Variants in ADGRA3 observed in about 807,000 individuals in gnomAD.
The protein encoded by ADGRA3 is adhesion G protein-coupled receptor A3, also known as G-protein coupled receptor 125.
ADGRA3 carries 56 observed loss-of-function variants against 119.8 expected under a neutral mutation model. The observed-to-expected ratio is 0.47, with a 90% CI of 0.38 to 0.58. The LOEUF is 0.58. Among genes scored for constraint, ADGRA3 ranks in the 20% least tolerant of loss-of-function variants. The pLI, the probability that ADGRA3 is intolerant of heterozygous loss-of-function variation, is 0.00. For missense variants in ADGRA3, 1,516 were observed against 1,649.0 expected (o/e 0.92, Z 1.40); for synonymous variants, 607 against 623.8 (o/e 0.97, Z 0.40).
chr4:22,409,922 A>G (rs1425631901), intron 14 of ADGRA3, among the ~76,000 whole-genome samples: 1 of 152,230 alleles, frequency 6.6e-6, no homozygotes, highest in African/African-American at 2.4e-5. Flanking sequence ...CTTTCACTGT[A>G]TGTTAATGTG....
intron 1 of ADGRA3, among the ~76,000 whole-genome samples, chr4:22,509,935 G>T (rs1482719714): frequency 6.6e-6 from 1 of 150,958 alleles, no homozygotes; most frequent in Non-Finnish European, 1.5e-5. Context: ...GCGTGAACCC[G>T]GGAGGCGGAG....
chr4:22,418,489 A>G (rs1158452687), intron 12 of ADGRA3, among the ~76,000 whole-genome samples: 1 of 152,162 alleles, frequency 6.6e-6, no homozygotes, highest in African/African-American at 2.4e-5. Context: ...TAGGGATTCG[A>G]GTAGGAGAAT....
At chr4:22,416,233 C>T (rs1715426265) in intron 12 of ADGRA3, among the ~76,000 whole-genome samples, 1 of 152,122 alleles carries the variant, frequency 6.6e-6, no homozygotes, top group South Asian at 2.1e-4. Flanking sequence ...TTTGTAAGTT[C>T]ATTTAACCAT....
At position 22,445,051 on chromosome 4, in the gene ADGRA3, G is replaced by A. The variant is rs575529822; in HGVS notation, c.628C>T (p.Arg210Trp). ...RWVKEKNITVRDTRCVYPKSL... is the reference protein window; with the variant it reads ...RWVKEKNITVWDTRCVYPKSL... ...TTAGGATAAACACACCTGGTATCCC[G>A]TACCGTGATGTTCTTCTCCTTTACC... Residue 210 changes from arginine to tryptophan, a missense_variant, in exon 6 of 19, where the codon CGG (arginine) becomes TGG (tryptophan). By Grantham distance (101) the Arg-to-Trp change is moderately radical. Around this residue, in one of 2 missense-constraint regions of ADGRA3, gnomAD observed 428 missense variants for 541.9 expected, o/e 0.79. Coordinates refer to ENST00000334304, the MANE Select transcript of ADGRA3 (RefSeq NM_145290.4). 6 of 1,613,852 alleles carry A rather than the reference G, an allele frequency of 3.7e-6. No homozygotes were observed. The highest frequency in any genetic ancestry group is 1.1e-5 in the South Asian group (1 of 91,072).
rs552145952 is a variant in ADGRA3, at chr4:22,415,263, T to A, written c.1810-1449A>T. On this transcript the variant is annotated intron_variant, in intron 12 of 18. Coordinates refer to ENST00000334304, the MANE Select transcript of ADGRA3 (RefSeq NM_145290.4). The stretch of plus-strand genomic sequence containing the variant: ...TATGGCATGTTTATTTTAAAAACAA[T>A]TCTACTTAAGCAAATGATTGACTTT... 9.2e-4 allele frequency among the ~76,000 whole-genome samples: 140 copies of A among 152,306 alleles called. 1 individual carries two copies. The highest frequency in any genetic ancestry group is 3.3e-3 in the African/African-American group (138 of 41,570).
intron 16 of ADGRA3, among the ~76,000 whole-genome samples, chr4:22,399,558 T>C (rs1447233310): frequency 6.6e-6 from 1 of 151,948 alleles, no homozygotes; most frequent in Non-Finnish European, 1.5e-5. Context: ...AAATGGATTT[T>C]CTCCAGCTCC....
intron 1 of ADGRA3, among the ~76,000 whole-genome samples, chr4:22,508,457 T>C (rs74522406): frequency 3.4e-3 from 516 of 152,322 alleles, no homozygotes; most frequent in African/African-American, 0.011. Flanking sequence ...CACTGGCCAC[T>C]GTGTTTACAA....
intron 1 of ADGRA3, among the ~76,000 whole-genome samples, chr4:22,476,311 C>A (rs1323602916): frequency 6.6e-6 from 1 of 152,148 alleles, no homozygotes; most frequent in Non-Finnish European, 1.5e-5. Flanking sequence ...TGAGCCGGCA[C>A]TCACCAAACT....
intron 2 of ADGRA3, among the ~76,000 whole-genome samples, chr4:22,469,836 G>A (rs903834148): frequency 1.3e-5 from 2 of 152,146 alleles, no homozygotes; most frequent in Non-Finnish European, 2.9e-5. Context: ...GCAAGGTTCT[G>A]TCTTCAAAGT....
At chr4:22,402,201 G>T (rs746274400) in intron 15 of ADGRA3, among the ~76,000 whole-genome samples, 1 of 151,932 alleles carries the variant, frequency 6.6e-6, no homozygotes, top group South Asian at 2.1e-4. Flanking sequence ...CTTTGCCTCC[G>T]ATTAACAAAC....
intron 14 of ADGRA3, among the ~76,000 whole-genome samples, chr4:22,403,294 T>TGGA (rs1197745464): frequency 1.3e-5 from 2 of 152,030 alleles, no homozygotes; most frequent in Non-Finnish European, 1.5e-5. Flanking sequence ...CATAGGGCAT[T>TGGA]GGAGACATAA....
At chr4:22,404,459 T>C (rs1238355012) in intron 14 of ADGRA3, among the ~76,000 whole-genome samples, 1 of 152,066 alleles carries the variant, frequency 6.6e-6, no homozygotes, top group Non-Finnish European at 1.5e-5. Context: ...CCACAGTAAG[T>C]GGGAAGCAGA....
At chr4:22,494,679 T>C (rs964925757) in intron 1 of ADGRA3, among the ~76,000 whole-genome samples, 1 of 151,988 alleles carries the variant, frequency 6.6e-6, no homozygotes, top group Non-Finnish European at 1.5e-5. Context: ...TACATTTTTT[T>C]AGTTCTTTTT....
intron 1 of ADGRA3, among the ~76,000 whole-genome samples, chr4:22,494,405 G>A (rs1283527891): frequency 6.6e-6 from 1 of 151,764 alleles, no homozygotes; most frequent in Non-Finnish European, 1.5e-5. Context: ...CAGCCCTTGG[G>A]GCTGCTCTGT....
chr4:22,396,966 C>T (rs1237333956), intron 16 of ADGRA3, among the ~76,000 whole-genome samples: 3 of 152,084 alleles, frequency 2.0e-5, no homozygotes, highest in Non-Finnish European at 1.5e-5. Context: ...TCAATGAATA[C>T]TTTTAGACAC....
intron 9 of ADGRA3, 119 bp downstream of exon 9, chr4:22,436,321 T>G: frequency 2.7e-6 from 2 of 732,218 alleles, no homozygotes. Flanking sequence ...TCAACTAAAG[T>G]AAAAACACAA....
intron 1 of ADGRA3, among the ~76,000 whole-genome samples, chr4:22,482,346 A>C (rs1471764795): frequency 6.6e-6 from 1 of 152,148 alleles, no homozygotes; most frequent in Non-Finnish European, 1.5e-5. Flanking sequence ...AATATACTCA[A>C]TCATTCTTCA....
At chr4:22,434,320 T>C (rs2109058335) in intron 10 of ADGRA3, among the ~76,000 whole-genome samples, 2 of 151,844 alleles carry the variant, frequency 1.3e-5, no homozygotes, top group South Asian at 4.2e-4. Flanking sequence ...GCAATATTAA[T>C]GGATCTGAGA....
rs2108988588 is a variant in ADGRA3, at chr4:22,388,171, T to G, written c.3500A>C (p.His1167Pro). 6.2e-7 allele frequency: 1 copy of G among 1,614,014 alleles called. No individual in the cohort carries two copies. Among genetic ancestry groups the G allele is most frequent in the Non-Finnish European group, 8.5e-7 (1 of 1,179,998 alleles). ...PLEVQFRTNV[H>P]SSRHHKNRSK... ...TCTGTTTTTATGGTGGCGGCTTGAG[T>G]GCACATTTGTTCGAAACTGAACTTC... Residue 1167 changes from histidine (H) to proline (P), a missense_variant, in exon 19 of 19, where the codon CAC (histidine) becomes CCC (proline). His to Pro is a moderately conservative substitution (Grantham distance 77, BLOSUM62 -2). This residue lies in a region of ADGRA3 where 1,088 missense variants were observed against 1,107.1 expected (regional missense o/e 0.98). Coordinates refer to ENST00000334304, the MANE Select transcript of ADGRA3 (RefSeq NM_145290.4).
Sources: gnomAD v4.1 joint callset for allele counts (sites outside exome capture counted in the v4.1 genomes callset) on GRCh38, gnomAD v4.1.1 for gene constraint, gnomAD v4.1.1 regional missense constraint, MANE v1.5 for transcripts, NCBI Gene and HGNC (gene_info 2026-07-23, HGNC 2026-07-21) for gene names.